The following RYR3 variants were observed in gnomAD, a reference collection of about 807,000 sequenced individuals.
RYR3 encodes ryanodine receptor 3.
A neutral mutation model predicts 584.3 loss-of-function variants in RYR3; 207 were observed. That is an observed-to-expected ratio of 0.35 (90% CI 0.32 to 0.40). RYR3 has a LOEUF of 0.40. Among genes scored for constraint, RYR3 ranks in the 10% least tolerant of loss-of-function variants. The pLI, the probability that RYR3 is intolerant of heterozygous loss-of-function variation, is 1.00. For synonymous variants in RYR3, 2,416 were observed against 2,248.5 expected, an observed-to-expected ratio of 1.07 and a Z score of -2.11; for missense variants, 5,616 against 6,089.2, an observed-to-expected ratio of 0.92 and a Z score of 2.59.
intron 2 of RYR3, among the ~76,000 whole-genome samples, chr15:33,478,977 T>C (rs1257165896): frequency 6.6e-6 from 1 of 152,238 alleles, no homozygotes; most frequent in Non-Finnish European, 1.5e-5. Context: ...TATGTAACAG[T>C]GAAGTCCCAC....
chr15:33,810,525 A>G lies in RYR3; in HGVS notation c.10073A>G (p.Asp3358Gly). Residue 3358 changes from aspartate to glycine, a missense_variant, in exon 71 of 104, where the codon GAC (aspartate) becomes GGC (glycine). Transcript: ENST00000634891. ...QERKKTKRRGDLYSIQTSLIV... is the reference protein window; with the variant it reads ...QERKKTKRRGGLYSIQTSLIV... Reference sequence around the variant, plus strand: ...CGGAAGAAGACAAAGCGGCGGGGAGACTTGTATTCCATCCAGACCTCCCTC... The same window carrying G: ...CGGAAGAAGACAAAGCGGCGGGGAGGCTTGTATTCCATCCAGACCTCCCTC... 3.7e-6 allele frequency: 6 copies of G among 1,613,938 alleles called. No homozygotes were observed. The highest frequency in any genetic ancestry group is 5.1e-6 in the Non-Finnish European group (6 of 1,179,872).
chr15:33,311,267 G>A lies in RYR3; in HGVS notation c.51+171G>A, dbSNP rs1967227439. Among the ~76,000 whole-genome samples, 1 of 152,126 alleles carries A rather than the reference G, an allele frequency of 6.6e-6. No homozygotes were observed. Among genetic ancestry groups the A allele is most frequent in the South Asian group, 2.1e-4 (1 of 4,830 alleles). Reference sequence around the variant, plus strand: ...GGCCACCTACCCGCGGGGCCGCGAGGGGCTGCGTGGGAAGGGGCACCATCT... The same window carrying A: ...GGCCACCTACCCGCGGGGCCGCGAGAGGCTGCGTGGGAAGGGGCACCATCT... On this transcript the variant is annotated intron_variant, in intron 1 of 103. Transcript: ENST00000634891. This position sits in a 1 kb window ranked among gnomAD's most constrained non-coding sequence, Gnocchi z 4.4.
intron 1 of RYR3, among the ~76,000 whole-genome samples, chr15:33,363,277 C>T (rs971454144): frequency 2.6e-5 from 4 of 152,120 alleles, no homozygotes; most frequent in South Asian, 2.1e-4. Context: ...TTAGCCTCTC[C>T]CTCCCTCACT....
In RYR3 at chr15:33,747,421, T is replaced by C. The variant is rs1384208672; in HGVS notation, c.7990-693T>C. Among the ~76,000 whole-genome samples, 5 of 20,848 alleles carry C rather than the reference T, an allele frequency of 2.4e-4. No homozygotes were observed. In the East Asian group the frequency reaches 0.022, roughly 91 times the overall value. 13.7% of individuals were successfully genotyped at this position (20,848 alleles called of 152,430 possible). A position where few individuals can be genotyped will look rare whatever the true frequency, so the allele number is the denominator to read the frequency against. On this transcript the variant is annotated intron_variant, in intron 53 of 103. Coordinates refer to ENST00000634891, the MANE Select transcript of RYR3 (RefSeq NM_001036.6). ...GACGGAGTTTCACTGTTGTCACCCTTTTTTTTTTTTTTTTTTTTTTGAGAC... is the reference window on the plus strand; with the variant it reads ...GACGGAGTTTCACTGTTGTCACCCTCTTTTTTTTTTTTTTTTTTTTGAGAC...
chr15:33,680,854 T>A (rs2064546723), intron 38 of RYR3, among the ~76,000 whole-genome samples: 1 of 152,214 alleles, frequency 6.6e-6, no homozygotes, highest in South Asian at 2.1e-4. Flanking sequence ...TCAGCGTCTT[T>A]AATTTATTCA....
chr15:33,690,569 C>A (rs2065348923), intron 38 of RYR3, among the ~76,000 whole-genome samples: 1 of 152,224 alleles, frequency 6.6e-6, no homozygotes, highest in Non-Finnish European at 1.5e-5. Context: ...AAAGCTTCCT[C>A]ATCTGTAGCT....
rs1356080927 is a variant in RYR3, at chr15:33,755,088, A to G, written c.8423A>G (p.Asp2808Gly). ...VSRGMKDMELDASSMEKRFAY... is the reference protein window; with the variant it reads ...VSRGMKDMELGASSMEKRFAY... ...AGGGGTATGAAGGATATGGAGCTGGATGCCTCCTCCATGGAGAAGAGGTTT... is the reference window on the plus strand; with the variant it reads ...AGGGGTATGAAGGATATGGAGCTGGGTGCCTCCTCCATGGAGAAGAGGTTT... The change falls in exon 58 of 104, where the codon GAT (aspartate) becomes GGT (glycine). Residue 2808 changes from aspartate (D) to glycine (G), a missense_variant. Physicochemically the swap from Asp to Gly is moderately conservative, Grantham distance 94. Around this residue, in one of 9 missense-constraint regions of RYR3, gnomAD observed 1,280 missense variants for 1,426.2 expected, o/e 0.90. Transcript: ENST00000634891. 3.1e-6 allele frequency: 5 copies of G among 1,611,230 alleles called. No individual in the cohort carries two copies. The East Asian group carries it at 1.1e-4, about 36-fold the overall frequency.
At chr15:33,544,345 A>T (rs573429614) in intron 8 of RYR3, among the ~76,000 whole-genome samples, 16 of 141,908 alleles carry the variant, frequency 1.1e-4, no homozygotes, top group East Asian at 1.9e-4. Flanking sequence ...TCTGATATTT[A>T]AAAAAAAAAT....
chr15:33,830,748 T>C, intron 85 of RYR3: 2 of 401,142 alleles, frequency 5.0e-6, no homozygotes, highest in Admixed American at 8.5e-5. Context: ...CTGAAGGCAG[T>C]CCTCACTCCT....
chr15:33,368,974 C>T (rs1398848826), intron 1 of RYR3, among the ~76,000 whole-genome samples: 1 of 152,200 alleles, frequency 6.6e-6, no homozygotes, highest in Non-Finnish European at 1.5e-5. Context: ...GGGAGGGCCT[C>T]AGGGAGCTCT....
chr15:33,865,456 A>G lies in RYR3; in HGVS notation c.*230A>G. 2 of 482,256 alleles carry G rather than the reference A, an allele frequency of 4.1e-6. No individual in the cohort carries two copies. Among genetic ancestry groups the G allele is most frequent in the Non-Finnish European group, 7.4e-6 (2 of 272,088 alleles). 29.9% of individuals were successfully genotyped at this position (482,256 alleles called of 1,614,324 possible). A position where few individuals can be genotyped will look rare whatever the true frequency, so the allele number is the denominator to read the frequency against. ...AAATGTCGAAGAAGGAAGGCGAAGAATCAAGTAATCTCTAGGCAAATGCCT... is the reference window on the plus strand; with the variant it reads ...AAATGTCGAAGAAGGAAGGCGAAGAGTCAAGTAATCTCTAGGCAAATGCCT... On this transcript the variant is annotated 3_prime_UTR_variant, in exon 104 of 104. Transcript: ENST00000634891.
rs546151753 is a variant in RYR3 at position 33,358,005 on chromosome 15, A to ATCAG, written c.51+46911_51+46914dup. 2.4e-3 allele frequency among the ~76,000 whole-genome samples: 367 copies of ATCAG among 152,338 alleles called. 2 individuals carry two copies. The highest frequency in any genetic ancestry group is 8.4e-3 in the African/African-American group (349 of 41,570). On this transcript the variant is annotated intron_variant, in intron 1 of 103. Transcript: ENST00000634891. ...GCATTTGCCAGGGGCAAAAGCATAC[A>ATCAG]TCAGTGCCTTTTACCTGAGCAGCAT...
chr15:33,520,125 A>C (rs1004513809), intron 3 of RYR3, among the ~76,000 whole-genome samples: 1 of 152,188 alleles, frequency 6.6e-6, no homozygotes. Flanking sequence ...CAGATAACAA[A>C]ATAGAATCCA....
intron 58 of RYR3, 109 bp downstream of exon 58, chr15:33,755,289 G>T: frequency 1.4e-6 from 1 of 714,174 alleles, no homozygotes; most frequent in Non-Finnish European, 2.3e-6. Context: ...GATTTTAGGG[G>T]GAAAACAGTG....
intron 57 of RYR3, among the ~76,000 whole-genome samples, chr15:33,752,228 C>T (rs765657714): frequency 2.1e-4 from 32 of 152,170 alleles, no homozygotes; most frequent in Admixed American, 3.3e-4. Context: ...TTTTTTGTTC[C>T]ATATGAAATT....
chr15:33,808,544 A>G (rs1234697508), intron 70 of RYR3, among the ~76,000 whole-genome samples: 4 of 152,242 alleles, frequency 2.6e-5, no homozygotes, highest in African/African-American at 9.6e-5. Flanking sequence ...TTTTACATGT[A>G]TACATACGTG....
chr15:33,633,760 C>T (rs555373833), intron 24 of RYR3, among the ~76,000 whole-genome samples: 1 of 152,064 alleles, frequency 6.6e-6, no homozygotes, highest in East Asian at 2.0e-4. Flanking sequence ...TACAATTGTC[C>T]CTATTGTCTT....
At chr15:33,496,923 T>TA (rs146573898) in intron 2 of RYR3, among the ~76,000 whole-genome samples, 8,930 of 150,286 alleles carry the variant, frequency 0.059, 358 homozygotes, top group Non-Finnish European at 0.084. Context: ...TTCAAATAGG[T>TA]AAAAAAAAAA....
intron 1 of RYR3, among the ~76,000 whole-genome samples, chr15:33,457,805 T>G (rs558610667): frequency 6.6e-6 from 1 of 152,200 alleles, no homozygotes; most frequent in Non-Finnish European, 1.5e-5. Context: ...ATACAACATA[T>G]GTATTGAAAC....
Sources: gnomAD v4.1 joint callset for allele counts (sites outside exome capture counted in the v4.1 genomes callset) on GRCh38, gnomAD v4.1.1 for gene constraint, gnomAD v4.1.1 regional missense constraint, Gnocchi (gnomAD v3.1) non-coding constraint, MANE v1.5 for transcripts, NCBI Gene and HGNC (gene_info 2026-07-23, HGNC 2026-07-21) for gene names.